AGBL1: variants seen among roughly 807,000 people sequenced by gnomAD.
The protein encoded by AGBL1 is AGBL carboxypeptidase 1.
A neutral mutation model predicts 118.9 loss-of-function variants in AGBL1; 130 were observed. The observed-to-expected ratio is 1.09, with a 90% CI of 0.95 to 1.26. AGBL1 has a LOEUF of 1.26. AGBL1 is among the 50% of genes most tolerant of loss of function. The probability of loss-of-function intolerance (pLI) is 0.00; values close to 1 mark genes in which losing one functional copy is unlikely to be tolerated. For missense variants in AGBL1, 1,584 were observed against 1,298.1 expected, an observed-to-expected ratio of 1.22 and a Z score of -3.38; for synonymous variants, 555 against 478.9, an observed-to-expected ratio of 1.16 and a Z score of -2.08.
chr15:86,222,586 A>G (rs964852506), intron 5 of AGBL1, among the ~76,000 whole-genome samples: 4 of 152,162 alleles, frequency 2.6e-5, no homozygotes, highest in African/African-American at 9.7e-5. Flanking sequence ...ACTCTTTAGA[A>G]TATTGGACTT....
intron 17 of AGBL1, among the ~76,000 whole-genome samples, chr15:86,387,626 A>C (rs2081216616): frequency 6.6e-6 from 1 of 152,192 alleles, no homozygotes; most frequent in Non-Finnish European, 1.5e-5. Context: ...AAGAAGCTGA[A>C]AAGATTTAAG....
chr15:86,399,452 A>G (rs2081413188), intron 18 of AGBL1, among the ~76,000 whole-genome samples: 1 of 152,184 alleles, frequency 6.6e-6, no homozygotes, highest in African/African-American at 2.4e-5. Flanking sequence ...TCTGAGGTCC[A>G]GTAGAGAATG....
chr15:87,021,706 A>G (rs772617095), intron 24 of AGBL1, among the ~76,000 whole-genome samples: 1 of 152,174 alleles, frequency 6.6e-6, no homozygotes, highest in Admixed American at 6.6e-5. Flanking sequence ...GACACTTCTC[A>G]AAAGAAGACA....
chr15:86,428,402 A>G lies in AGBL1; in HGVS notation c.2555+30856A>G, dbSNP rs567192444. 1.6e-4 allele frequency among the ~76,000 whole-genome samples: 24 copies of G among 152,336 alleles called. No individual in the cohort carries two copies. The South Asian group carries it at 5.0e-3, about 32-fold the overall frequency. On this transcript the variant is annotated intron_variant, in intron 18 of 22. Transcript: ENST00000614907. ...AAGAGGAATACTCCAGGGAAGGCAG[A>G]TACACATCTTCTTATTGATAGTCCT...
At chr15:86,100,959 A>G (rs1355508509) in intron 1 of AGBL1, among the ~76,000 whole-genome samples, 1 of 151,952 alleles carries the variant, frequency 6.6e-6, no homozygotes, top group East Asian at 1.9e-4. Flanking sequence ...GTGCATTGTT[A>G]GAATGTTTAT....
chr15:86,345,213 C>A (rs2080518306), intron 17 of AGBL1, among the ~76,000 whole-genome samples: 1 of 150,828 alleles, frequency 6.6e-6, no homozygotes. Context: ...AACATTTAGA[C>A]AAGACTTTTT....
intron 16 of AGBL1, among the ~76,000 whole-genome samples, chr15:86,280,533 G>T (rs1597672659): frequency 6.6e-6 from 1 of 152,258 alleles, no homozygotes; most frequent in East Asian, 1.9e-4. Flanking sequence ...CCATTTCGTG[G>T]ATATCCTGAG....
intron 16 of AGBL1, among the ~76,000 whole-genome samples, chr15:86,283,942 C>G (rs560815592): frequency 1.6e-4 from 24 of 152,152 alleles, no homozygotes; most frequent in African/African-American, 5.8e-4. Flanking sequence ...CACAGGCAAG[C>G]TATTTAACTT....
At chr15:86,750,321 T>G (rs546123755) in intron 22 of AGBL1, among the ~76,000 whole-genome samples, 111 of 152,204 alleles carry the variant, frequency 7.3e-4, no homozygotes, top group African/African-American at 2.6e-3. Context: ...GGGTACAGAT[T>G]GGTATTTCAA....
chr15:86,330,855 A>G (rs1034988270), intron 17 of AGBL1, among the ~76,000 whole-genome samples: 2 of 152,214 alleles, frequency 1.3e-5, no homozygotes, highest in Admixed American at 6.5e-5. Flanking sequence ...AACTGGACGA[A>G]TTGGAAGAAT....
chr15:86,569,597 G>T (rs1388367991), intron 21 of AGBL1, among the ~76,000 whole-genome samples: 1 of 152,120 alleles, frequency 6.6e-6, no homozygotes, highest in African/African-American at 2.4e-5. Context: ...CACACTATGA[G>T]CAGTTTATTA....
At chr15:86,987,662 C>T (rs1242006870) in intron 23 of AGBL1, among the ~76,000 whole-genome samples, 2 of 151,920 alleles carry the variant, frequency 1.3e-5, no homozygotes, top group African/African-American at 4.8e-5. Flanking sequence ...AAGGTTTCTC[C>T]GCATCTAATG....
intron 16 of AGBL1, among the ~76,000 whole-genome samples, chr15:86,292,759 G>A (rs1490297095): frequency 6.6e-6 from 1 of 152,168 alleles, no homozygotes; most frequent in Non-Finnish European, 1.5e-5. Context: ...TTGAAAAAGG[G>A]TGAGAAGAGG....
At chr15:86,356,787 G>T (rs2141912183) in intron 17 of AGBL1, among the ~76,000 whole-genome samples, 1 of 152,302 alleles carries the variant, frequency 6.6e-6, no homozygotes, top group Admixed American at 6.5e-5. Context: ...CCGGCAATTT[G>T]CTCTGTAGCT....
chr15:86,747,021 T>C (rs2077767278), intron 22 of AGBL1, among the ~76,000 whole-genome samples: 1 of 152,076 alleles, frequency 6.6e-6, no homozygotes, highest in South Asian at 2.1e-4. Context: ...CTCATTTCCA[T>C]AATGGAAACT....
At chr15:86,101,166 G>A (rs1896691817) in intron 1 of AGBL1, among the ~76,000 whole-genome samples, 1 of 151,930 alleles carries the variant, frequency 6.6e-6, no homozygotes, top group Non-Finnish European at 1.5e-5. Flanking sequence ...TATTTGTACA[G>A]TTTCCAAAGT....
intron 21 of AGBL1, among the ~76,000 whole-genome samples, chr15:86,609,327 G>T (rs2084626714): frequency 6.6e-6 from 1 of 152,202 alleles, no homozygotes; most frequent in Admixed American, 6.5e-5. Flanking sequence ...GGAAGCAGAA[G>T]TTGCTAGGTT....
At chr15:86,593,908 G>A (rs1417926548) in intron 21 of AGBL1, among the ~76,000 whole-genome samples, 1 of 151,366 alleles carries the variant, frequency 6.6e-6, no homozygotes, top group Non-Finnish European at 1.5e-5. Context: ...TTTATCTTGT[G>A]TGACACTGAT....
At chr15:86,604,370 T>C (rs1215853516) in intron 21 of AGBL1, among the ~76,000 whole-genome samples, 1 of 152,194 alleles carries the variant, frequency 6.6e-6, no homozygotes. Flanking sequence ...ATATTTTCAT[T>C]TAATAGGTTC....
Sources: allele counts gnomAD v4.1 joint callset (sites outside exome capture counted in the v4.1 genomes callset), GRCh38; gene constraint gnomAD v4.1.1; transcripts MANE v1.5; gene names NCBI Gene and HGNC (gene_info 2026-07-23, HGNC 2026-07-21).